Variants in CHCHD6 observed in about 807,000 individuals in gnomAD.
The protein encoded by CHCHD6 is coiled-coil-helix-coiled-coil-helix domain containing 6.
Under a neutral mutation model 32.3 loss-of-function variants are expected in CHCHD6, and 28 were observed. The ratio of observed to expected loss-of-function variants is 0.87; its 90% CI spans 0.64 to 1.19. CHCHD6 has a LOEUF of 1.19. Among genes scored for constraint, CHCHD6 ranks in the 50% most tolerant of loss-of-function variants. The pLI, the probability that CHCHD6 is intolerant of heterozygous loss-of-function variation, is 0.00. For synonymous variants in CHCHD6, 122 were observed against 117.5 expected (o/e 1.04, Z -0.25); for missense variants, 333 against 307.0 (o/e 1.08, Z -0.63).
intron 5 of CHCHD6, among the ~76,000 whole-genome samples, chr3:126,897,591 C>T (rs1339438842): frequency 2.0e-5 from 3 of 152,216 alleles, no homozygotes; most frequent in Non-Finnish European, 2.9e-5. Flanking sequence ...TCCTCCACTA[C>T]TCACTGGCGC....
chr3:126,816,877 G>A (rs577713182), intron 4 of CHCHD6, among the ~76,000 whole-genome samples: 5 of 151,486 alleles, frequency 3.3e-5, no homozygotes, highest in Admixed American at 1.3e-4. Context: ...CCCACCCCAC[G>A]ACAGGCCCTG....
At chr3:126,718,008 G>T (rs1935099184) in intron 1 of CHCHD6, among the ~76,000 whole-genome samples, 4 of 152,216 alleles carry the variant, frequency 2.6e-5, no homozygotes, top group South Asian at 4.1e-4. Flanking sequence ...TAGCGGCAGG[G>T]AAGAGGCCCC....
At chr3:126,935,406 G>A (rs1462837426) in intron 6 of CHCHD6, among the ~76,000 whole-genome samples, 1 of 152,226 alleles carries the variant, frequency 6.6e-6, no homozygotes, top group East Asian at 1.9e-4. Flanking sequence ...AACTAGTCTG[G>A]AAGGCCCAGG....
intron 4 of CHCHD6, among the ~76,000 whole-genome samples, chr3:126,756,956 G>T (rs188757397): frequency 6.6e-6 from 1 of 152,326 alleles, no homozygotes; most frequent in African/African-American, 2.4e-5. Flanking sequence ...GTTTTCACCT[G>T]TATCCTTGTG....
intron 4 of CHCHD6, among the ~76,000 whole-genome samples, chr3:126,845,626 C>T (rs1326435918): frequency 6.6e-6 from 1 of 152,070 alleles, no homozygotes; most frequent in Admixed American, 6.5e-5. Flanking sequence ...CTTGGGGGCC[C>T]TGTTCCATTT....
At chr3:126,704,440 C>A in intron 1 of CHCHD6, 41 bp downstream of exon 1, 1 of 1,304,506 alleles carries the variant, frequency 7.7e-7, no homozygotes. Flanking sequence ...GTGGAGGCCG[C>A]GGGCGCGGGG....
chr3:126,724,121 C>G (rs1935431686), intron 1 of CHCHD6, among the ~76,000 whole-genome samples: 1 of 152,136 alleles, frequency 6.6e-6, no homozygotes, highest in African/African-American at 2.4e-5. Context: ...ATGTGTGGCA[C>G]TGGAGGTGTA....
chr3:126,792,423 C>A (rs1938597483), intron 4 of CHCHD6, among the ~76,000 whole-genome samples: 1 of 152,192 alleles, frequency 6.6e-6, no homozygotes, highest in Non-Finnish European at 1.5e-5. Flanking sequence ...TTTCTCCATG[C>A]AGCCCACAGA....
At chr3:126,743,012 G>T (rs950605007) in intron 4 of CHCHD6, among the ~76,000 whole-genome samples, 1 of 152,126 alleles carries the variant, frequency 6.6e-6, no homozygotes, top group African/African-American at 2.4e-5. Flanking sequence ...AGAGGTGCCT[G>T]GGGGAGGGTG....
At chr3:126,839,124 A>C (rs1210327036) in intron 4 of CHCHD6, among the ~76,000 whole-genome samples, 3 of 152,128 alleles carry the variant, frequency 2.0e-5, no homozygotes, top group Non-Finnish European at 4.4e-5. Context: ...TCCTGAGCTC[A>C]AGTGATCCTC....
intron 4 of CHCHD6, among the ~76,000 whole-genome samples, chr3:126,838,559 G>A (rs1942891336): frequency 6.6e-6 from 1 of 152,162 alleles, no homozygotes; most frequent in Admixed American, 6.5e-5. Flanking sequence ...ATCTCCCTCT[G>A]AATTGTGCCA....
intron 5 of CHCHD6, among the ~76,000 whole-genome samples, chr3:126,879,317 T>C (rs959509326): frequency 6.6e-6 from 1 of 152,222 alleles, no homozygotes; most frequent in African/African-American, 2.4e-5. Flanking sequence ...GAGACATTGC[T>C]GTGGCCATTG....
rs188740838 is a variant in CHCHD6 at position 126,867,662 on chromosome 3, A to G, written c.495+14932A>G. On this transcript the variant is annotated intron_variant, in intron 5 of 7. Transcript: ENST00000290913. The stretch of plus-strand genomic sequence containing the variant: ...CCCTTTGGCCCTTGGGGAGGGGGGC[A>G]TGCTGAGAAAGGCAATCTGATATTA... Among the ~76,000 whole-genome samples the G allele has an allele frequency of 6.9e-4, 105 of 152,288 alleles. 1 individual carries two copies. The highest frequency in any genetic ancestry group is 2.3e-3 in the African/African-American group (97 of 41,550).
At chr3:126,863,869 TCCA>T (rs1942097579) in intron 5 of CHCHD6, among the ~76,000 whole-genome samples, 1 of 118,094 alleles carries the variant, frequency 8.5e-6, no homozygotes, top group Non-Finnish European at 1.8e-5. Context: ...CTCCTCCTCC[TCCA>T]CCATCACCAC....
chr3:126,871,866 C>T (rs189634217), intron 5 of CHCHD6, among the ~76,000 whole-genome samples: 254 of 151,994 alleles, frequency 1.7e-3, no homozygotes, highest in African/African-American at 3.2e-3. Flanking sequence ...GGGGTTTCAC[C>T]GTGTTAACCA....
chr3:126,948,052 A>G (rs1184881164), intron 6 of CHCHD6, among the ~76,000 whole-genome samples: 4 of 152,204 alleles, frequency 2.6e-5, no homozygotes, highest in Non-Finnish European at 5.9e-5. Context: ...TGCCGTGGAA[A>G]GTGCACACTG....
intron 6 of CHCHD6, among the ~76,000 whole-genome samples, chr3:126,923,783 C>T (rs2078285804): frequency 6.6e-6 from 1 of 152,216 alleles, no homozygotes; most frequent in South Asian, 2.1e-4. Context: ...AAGTGTCAGG[C>T]ACGTAGTAAG....
intron 4 of CHCHD6, among the ~76,000 whole-genome samples, chr3:126,794,171 C>CTT (rs1224060912): frequency 2.6e-5 from 4 of 151,936 alleles, no homozygotes; most frequent in Non-Finnish European, 5.9e-5. Context: ...ATTATTTCTG[C>CTT]AAGTATTTTT....
chr3:126,724,166 G>T (rs1935433464), intron 1 of CHCHD6, among the ~76,000 whole-genome samples: 1 of 152,146 alleles, frequency 6.6e-6, no homozygotes, highest in Admixed American at 6.5e-5. Flanking sequence ...AGCCCTCAAG[G>T]TATTTAAAAA....
Sources: allele counts gnomAD v4.1 joint callset (sites outside exome capture counted in the v4.1 genomes callset), GRCh38; gene constraint gnomAD v4.1.1; transcripts MANE v1.5; gene names NCBI Gene and HGNC (gene_info 2026-07-23, HGNC 2026-07-21).